The following GPR55 variants were observed in gnomAD, a reference collection of about 807,000 sequenced individuals.
The protein encoded by GPR55 is G-protein coupled receptor 55.
GPR55 carries 6 observed loss-of-function variants against 7.9 expected under a neutral mutation model. The ratio of observed to expected loss-of-function variants is 0.76; its 90% CI spans 0.41 to 1.49. The LOEUF (loss-of-function observed/expected upper bound fraction) is 1.49. GPR55 is among the 40% of genes most tolerant of loss of function. The pLI is 0.01. For missense variants in GPR55, 376 were observed against 406.0 expected, an observed-to-expected ratio of 0.93 and a Z score of 0.63; for synonymous variants, 183 against 166.8, an observed-to-expected ratio of 1.10 and a Z score of -0.75.
intron 1 of GPR55, among the ~76,000 whole-genome samples, chr2:230,918,429 A>C (rs79032658): frequency 6.6e-6 from 1 of 152,238 alleles, no homozygotes; most frequent in Non-Finnish European, 1.5e-5. Context: ...ATTATTGACT[A>C]GACCAATAAC....
At chr2:230,939,437 G>C (rs1433611112) in intron 1 of GPR55, among the ~76,000 whole-genome samples, 2 of 152,186 alleles carry the variant, frequency 1.3e-5, no homozygotes, top group Admixed American at 6.5e-5. Flanking sequence ...AAACCAGAAG[G>C]GGTGACAGTG....
intron 1 of GPR55, among the ~76,000 whole-genome samples, chr2:230,954,680 C>A (rs1691454511): frequency 6.6e-6 from 1 of 152,066 alleles, no homozygotes; most frequent in Non-Finnish European, 1.5e-5. Context: ...ACTATAGTCA[C>A]CCTGTTGTGC....
intron 1 of GPR55, among the ~76,000 whole-genome samples, chr2:230,920,958 A>G (rs1690820306): frequency 6.6e-6 from 1 of 152,236 alleles, no homozygotes; most frequent in Non-Finnish European, 1.5e-5. Context: ...AAAAACACTA[A>G]GAAAATGAAA....
rs1690909666 is a variant in GPR55 at position 230,924,624 on chromosome 2, TA to T, written c.-135+543del. Reference sequence around the variant, plus strand: ...TGTATTGCCTCATGCCCCAGAGAGGTAAACGGAGGCTAGAGAAATTACGCAG... The same window carrying T: ...TGTATTGCCTCATGCCCCAGAGAGGTAACGGAGGCTAGAGAAATTACGCAG... On this transcript the variant is annotated intron_variant, in intron 1 of 1. Transcript: ENST00000650999. The surrounding 1 kb of genome is among the most constrained non-coding windows in gnomAD (Gnocchi z 4.5). The T allele has an allele frequency of 6.6e-6, 1 of 151,892 alleles. No homozygotes were observed. Among genetic ancestry groups the T allele is most frequent in the African/African-American group, 2.4e-5 (1 of 41,384 alleles). 9.4% of individuals were successfully genotyped at this position (151,892 alleles called of 1,614,324 possible).
At chr2:230,915,679 T>G (rs1170266956) in intron 1 of GPR55, among the ~76,000 whole-genome samples, 1 of 152,166 alleles carries the variant, frequency 6.6e-6, no homozygotes, top group Non-Finnish European at 1.5e-5. Context: ...CCTCTGAATG[T>G]CCCGCTGACA....
At position 230,909,662 on chromosome 2, in the gene GPR55, C is replaced by A. The variant is rs10201627; in HGVS notation, c.*341G>T. The A allele has an allele frequency of 0.07, 15,695 of 225,476 alleles. 1,480 individuals are homozygous for A. Among genetic ancestry groups the A allele is most frequent in the African/African-American group, 0.23 (10,263 of 43,976 alleles). The allele number at this position is 225,476 out of a possible 1,614,324, so 14.0% of individuals were successfully genotyped here. On this transcript the variant is annotated 3_prime_UTR_variant, in exon 2 of 2. Coordinates refer to ENST00000650999, the MANE Select transcript of GPR55 (RefSeq NM_005683.4). ...CTCTTTCTTTCCAGAACCTCCCAGTCGAACAGGAAAATGGGGAGAGTTGGA... is the reference window on the plus strand; with the variant it reads ...CTCTTTCTTTCCAGAACCTCCCAGTAGAACAGGAAAATGGGGAGAGTTGGA...
intron 1 of GPR55, among the ~76,000 whole-genome samples, chr2:230,945,232 A>C (rs1691291998): frequency 6.6e-6 from 1 of 152,000 alleles, no homozygotes; most frequent in South Asian, 2.1e-4. Context: ...GTGGGTGGCG[A>C]GTGTGTGGTT....
intron 1 of GPR55, among the ~76,000 whole-genome samples, chr2:230,914,167 T>C (rs933246606): frequency 5.3e-5 from 8 of 152,164 alleles, no homozygotes; most frequent in Admixed American, 4.6e-4. Flanking sequence ...TGTGGCTGAA[T>C]TGGGGGAACA....
chr2:230,933,429 C>T (rs1205054003), intron 1 of GPR55, among the ~76,000 whole-genome samples: 11 of 152,212 alleles, frequency 7.2e-5, no homozygotes, highest in East Asian at 3.9e-4. Context: ...ACTGAACACA[C>T]GGGGCAGCCC....
intron 1 of GPR55, among the ~76,000 whole-genome samples, chr2:230,935,169 C>T (rs1323673245): frequency 2.6e-5 from 4 of 152,164 alleles, no homozygotes; most frequent in Admixed American, 6.5e-5. Context: ...GAGAAGGCTC[C>T]TGGCGCTGTG....
At chr2:230,942,120 C>T (rs1467895847) in intron 1 of GPR55, among the ~76,000 whole-genome samples, 1 of 152,206 alleles carries the variant, frequency 6.6e-6, no homozygotes, top group Non-Finnish European at 1.5e-5. Context: ...GAATGTGACA[C>T]AGACCAGAAG....
intron 1 of GPR55, among the ~76,000 whole-genome samples, chr2:230,943,020 G>C (rs1427344788): frequency 6.7e-6 from 1 of 149,040 alleles, no homozygotes; most frequent in Non-Finnish European, 1.5e-5. Flanking sequence ...GAGAAGAGAA[G>C]AGAAGAGGAG....
chr2:230,932,771 A>G (rs1212805409), intron 1 of GPR55, among the ~76,000 whole-genome samples: 1 of 152,070 alleles, frequency 6.6e-6, no homozygotes, highest in African/African-American at 2.4e-5. Flanking sequence ...TCCTGTGACA[A>G]GGCACACCCT....
intron 1 of GPR55, among the ~76,000 whole-genome samples, chr2:230,919,854 A>G (rs1690795012): frequency 6.6e-6 from 1 of 152,094 alleles, no homozygotes; most frequent in Non-Finnish European, 1.5e-5. Flanking sequence ...AATTTACTCA[A>G]TGGAAAATTT....
intron 1 of GPR55, among the ~76,000 whole-genome samples, chr2:230,939,072 G>A (rs1028105875): frequency 3.3e-5 from 5 of 152,216 alleles, no homozygotes; most frequent in African/African-American, 1.2e-4. Flanking sequence ...AGGCCGACTA[G>A]CCAACAATGA....
chr2:230,914,263 A>G (rs1403836754), intron 1 of GPR55, among the ~76,000 whole-genome samples: 1 of 152,250 alleles, frequency 6.6e-6, no homozygotes, highest in Non-Finnish European at 1.5e-5. Flanking sequence ...AGTAGCAGGT[A>G]TATTCATAGA....
chr2:230,927,664 C>A (rs560308323), upstream of GPR55, among the ~76,000 whole-genome samples: 1 of 152,356 alleles, frequency 6.6e-6, no homozygotes, highest in South Asian at 2.1e-4. Flanking sequence ...GGTTTGGGGG[C>A]ACACACCTTC....
At chr2:230,936,045 C>T (rs1691126361) in intron 1 of GPR55, among the ~76,000 whole-genome samples, 1 of 152,050 alleles carries the variant, frequency 6.6e-6, no homozygotes, top group African/African-American at 2.4e-5. Context: ...AAAGAGTGAA[C>T]TGTGGGGAAG....
intron 1 of GPR55, among the ~76,000 whole-genome samples, chr2:230,940,961 CA>C (rs199515827): frequency 0.013 from 2,011 of 152,162 alleles, 44 homozygotes; most frequent in African/African-American, 0.045. Context: ...TATTAAAATA[CA>C]AAAAATTAGC....
Sources: gnomAD v4.1 joint callset for allele counts (sites outside exome capture counted in the v4.1 genomes callset) on GRCh38, gnomAD v4.1.1 for gene constraint, Gnocchi (gnomAD v3.1) non-coding constraint, MANE v1.5 for transcripts, NCBI Gene and HGNC (gene_info 2026-07-23, HGNC 2026-07-21) for gene names.